The following OCA2 variants were observed in gnomAD, a reference collection of about 807,000 sequenced individuals.
OCA2 encodes P protein.
In OCA2, 77 loss-of-function variants were observed where a neutral mutation model predicts 100.2. The ratio of observed to expected loss-of-function variants is 0.77; its 90% CI spans 0.64 to 0.93. The LOEUF is 0.93. OCA2 is among the 40% of genes least tolerant of loss of function. The pLI is 0.00. For missense variants in OCA2, 1,062 were observed against 1,089.1 expected, an observed-to-expected ratio of 0.98 and a Z score of 0.35; for synonymous variants, 432 against 439.2, an observed-to-expected ratio of 0.98 and a Z score of 0.21.
At chr15:28,005,298 C>T (rs899481015) in intron 9 of OCA2, among the ~76,000 whole-genome samples, 6 of 152,002 alleles carry the variant, frequency 3.9e-5, no homozygotes, top group African/African-American at 1.5e-4. Flanking sequence ...CCCAAGCCCC[C>T]GTCTCCCCAA....
At chr15:27,885,760 AT>A (rs373022995) in intron 19 of OCA2, among the ~76,000 whole-genome samples, 1 of 94,582 alleles carries the variant, frequency 1.1e-5, no homozygotes. Flanking sequence ...TATTTGTTTG[AT>A]GTGCTTACTA....
chr15:27,990,373 TGTGA>T (rs2041513036), intron 10 of OCA2, among the ~76,000 whole-genome samples, 199 bp downstream of exon 10: 1 of 152,316 alleles, frequency 6.6e-6, no homozygotes, highest in Admixed American at 6.5e-5. Context: ...ACCACTGGGA[TGTGA>T]GTGTGTGACA....
intron 6 of OCA2, among the ~76,000 whole-genome samples, chr15:28,019,955 C>T (rs536657280): frequency 2.6e-4 from 39 of 152,288 alleles, no homozygotes; most frequent in African/African-American, 8.9e-4. Context: ...TTCCAAGGAG[C>T]CTGCTGGAGG....
At chr15:28,098,656 C>G (rs2045029697) in intron 1 of OCA2, among the ~76,000 whole-genome samples, 5 of 152,326 alleles carry the variant, frequency 3.3e-5, no homozygotes, top group Admixed American at 3.3e-4. Flanking sequence ...TTGTCCTGAG[C>G]CCCTGGCCCC....
intron 18 of OCA2, among the ~76,000 whole-genome samples, chr15:27,944,678 C>G (rs1482241275): frequency 6.6e-6 from 1 of 152,166 alleles, no homozygotes; most frequent in Non-Finnish European, 1.5e-5. Context: ...TTCCCACACC[C>G]CTATGATTTA....
At position 27,922,683 on chromosome 15, in the gene OCA2, GTGTGTGTGT is replaced by G. The variant is rs2038903595; in HGVS notation, c.2079+3435_2079+3443del. On this transcript the variant is annotated intron_variant, in intron 19 of 23. Transcript: ENST00000354638. ...GCTTTTGTGGTTTTTTGTTTGGGGT[GTGTGTGTGT>G]GTGTGTGTGTGTGTGTGTGTGTGTG... Among the ~76,000 whole-genome samples, 6 of 36,322 alleles carry G rather than the reference GTGTGTGTGT, an allele frequency of 1.7e-4. No individual in the cohort carries two copies. The African/African-American group carries it at 2.2e-3, about 13-fold the overall frequency. The allele number at this position is 36,322 out of a possible 152,430, so 23.8% of individuals were successfully genotyped here. A position where few individuals can be genotyped will look rare whatever the true frequency, so the allele number is the denominator to read the frequency against.
chr15:27,954,104 T>C (rs2040130534), intron 17 of OCA2, among the ~76,000 whole-genome samples: 1 of 141,672 alleles, frequency 7.1e-6, no homozygotes, highest in African/African-American at 2.7e-5. Flanking sequence ...GGCTGAGTAG[T>C]ATTCCATGGC....
rs757834251 is a variant in OCA2, at chr15:28,081,695, A to G, written c.180T>C (p.Ser60=). 4 of 1,613,870 alleles carry G rather than the reference A, an allele frequency of 2.5e-6. No individual in the cohort carries two copies. Among genetic ancestry groups the G allele is most frequent in the South Asian group, 1.1e-5 (1 of 91,084 alleles). Reference sequence around the variant, plus strand: ...CAAACTCCTGGCCTGCAGGAGCCCAAGAGCTCTGCCCGGCAGCCCCCCTGG... The same window carrying G: ...CAAACTCCTGGCCTGCAGGAGCCCAGGAGCTCTGCCCGGCAGCCCCCCTGG... ...SCPRGAAGQS[S]WAPAGQEFAS... Residue 60 remains serine (S), a synonymous_variant, in exon 2 of 24, where the codon TCT becomes TCC. Transcript: ENST00000354638.
At chr15:27,725,449 T>G in the OCA2 span, among the ~76,000 whole-genome samples, 1 of 152,076 alleles carries the variant, frequency 6.6e-6, no homozygotes, top group South Asian at 2.1e-4. Flanking sequence ...GTGCCTATAA[T>G]CCCAGCTACT....
intron 1 of OCA2, among the ~76,000 whole-genome samples, chr15:28,087,483 C>G (rs537115656): frequency 6.6e-6 from 1 of 152,146 alleles, no homozygotes; most frequent in African/African-American, 2.4e-5. Context: ...TGGTGGTTCA[C>G]GCCTATAATC....
At position 27,985,199 on chromosome 15, in the gene OCA2, A is replaced by G; in HGVS notation, c.1240-11T>C. 1.2e-6 allele frequency: 2 copies of G among 1,613,578 alleles called. No individual in the cohort carries two copies. Among genetic ancestry groups the G allele is most frequent in the Non-Finnish European group, 1.7e-6 (2 of 1,179,962 alleles). The stretch of plus-strand genomic sequence containing the variant: ...GGAGAGCCGGTATGCCTGGCCACAC[A>G]CACACAGAGAGAGTACAAGCCAGAG... On this transcript the variant is annotated splice_polypyrimidine_tract_variant and intron_variant, in intron 12 of 23. Coordinates refer to ENST00000354638, the MANE Select transcript of OCA2 (RefSeq NM_000275.3).
chr15:27,770,290 C>T (rs1409920349), intron 23 of OCA2, among the ~76,000 whole-genome samples: 1 of 152,148 alleles, frequency 6.6e-6, no homozygotes, highest in Non-Finnish European at 1.5e-5. Flanking sequence ...GCCACGGAGA[C>T]ACTGCGCGGA....
At chr15:28,018,591 C>A (rs1429217197) in intron 6 of OCA2, 34 bp from the exon 7 acceptor site, 1 of 1,605,326 alleles carries the variant, frequency 6.2e-7, no homozygotes. Flanking sequence ...ACAAGGCAGA[C>A]AGGAGAAACC....
intron 23 of OCA2, among the ~76,000 whole-genome samples, chr15:27,773,810 C>A (rs1031234534): frequency 2.0e-5 from 3 of 152,210 alleles, no homozygotes; most frequent in African/African-American, 7.2e-5. Flanking sequence ...AAAGCTTTGT[C>A]ATTGACTATT....
At position 27,957,880 on chromosome 15, in the gene OCA2, C is replaced by T; in HGVS notation, c.1637-145G>A. 1.1e-6 allele frequency: 1 copy of T among 888,846 alleles called. No individual in the cohort carries two copies. Among genetic ancestry groups the T allele is most frequent in the Non-Finnish European group, 1.8e-6 (1 of 551,970 alleles). 55.1% of individuals were successfully genotyped at this position (888,846 alleles called of 1,614,324 possible). On this transcript the variant is annotated intron_variant, in intron 15 of 23. Coordinates refer to ENST00000354638, the MANE Select transcript of OCA2 (RefSeq NM_000275.3). The surrounding 1 kb of genome is among the most constrained non-coding windows in gnomAD (Gnocchi z 4.3). Reference sequence around the variant, plus strand: ...TAGCCCAGGGTCACCCAGAGCTTCTCAGCACCTGAGCTATTGCAATGGAGC... The same window carrying T: ...TAGCCCAGGGTCACCCAGAGCTTCTTAGCACCTGAGCTATTGCAATGGAGC...
At chr15:28,075,031 T>C (rs2044388944) in intron 2 of OCA2, among the ~76,000 whole-genome samples, 1 of 152,210 alleles carries the variant, frequency 6.6e-6, no homozygotes, top group South Asian at 2.1e-4. Flanking sequence ...AAATGGATTA[T>C]ATGCCTAAAT....
intron 19 of OCA2, among the ~76,000 whole-genome samples, chr15:27,878,837 A>T (rs547662052): frequency 6.6e-6 from 1 of 152,184 alleles, no homozygotes; most frequent in African/African-American, 2.4e-5. Context: ...TTAATATTTC[A>T]AAATATTTAT....
chr15:27,722,780 T>TCTCTCTCTCTCTC, the OCA2 span, among the ~76,000 whole-genome samples: 7 of 134,210 alleles, frequency 5.2e-5, no homozygotes, highest in African/African-American at 2.1e-4. Flanking sequence ...TTTTCTTTCT[T>TCTCTCTCTCTCTC]TCTCTCTCTC....
chr15:27,931,621 C>A (rs2039252830), intron 18 of OCA2, among the ~76,000 whole-genome samples: 1 of 151,152 alleles, frequency 6.6e-6, no homozygotes, highest in Non-Finnish European at 1.5e-5. Flanking sequence ...CAGGCGTGAG[C>A]CACCACGCCC....
Sources: gnomAD v4.1 joint callset for allele counts (sites outside exome capture counted in the v4.1 genomes callset) on GRCh38, gnomAD v4.1.1 for gene constraint, Gnocchi (gnomAD v3.1) non-coding constraint, MANE v1.5 for transcripts, NCBI Gene and HGNC (gene_info 2026-07-23, HGNC 2026-07-21) for gene names.